The following HMCN2 variants were observed in gnomAD, a reference collection of about 807,000 sequenced individuals.
HMCN2 encodes hemicentin-2.
A neutral mutation model predicts 377.5 loss-of-function variants in HMCN2; 325 were observed. The ratio of observed to expected loss-of-function variants is 0.86; its 90% CI spans 0.79 to 0.94. HMCN2 has a LOEUF of 0.94. HMCN2 is among the 40% of genes least tolerant of loss of function. HMCN2 has a pLI of 0.00. For synonymous variants in HMCN2, 2,007 were observed against 2,046.8 expected (o/e 0.98, Z 0.53); for missense variants, 4,543 against 4,725.3 (o/e 0.96, Z 1.13).
At chr9:130,323,882 T>C (rs950524168) in intron 19 of HMCN2, among the ~76,000 whole-genome samples, 1 of 152,158 alleles carries the variant, frequency 6.6e-6, no homozygotes, top group South Asian at 2.1e-4. Context: ...TTTGTATTTT[T>C]AGTAGAGACG....
chr9:130,342,971 T>A (rs1424122265), intron 25 of HMCN2, among the ~76,000 whole-genome samples: 1 of 152,214 alleles, frequency 6.6e-6, no homozygotes, highest in Admixed American at 6.5e-5. Context: ...TTCCTGGTTT[T>A]GTAACTCAGG....
intron 76 of HMCN2, 84 bp from the exon 77 acceptor site, chr9:130,400,699 G>A (rs777308923): frequency 4.6e-5 from 47 of 1,032,524 alleles, no homozygotes; most frequent in Non-Finnish European, 5.7e-5. Flanking sequence ...ATGTCACCTT[G>A]TGTACTAGCT....
chr9:130,390,492 G>A (rs370176743), intron 62 of HMCN2, among the ~76,000 whole-genome samples: 2 of 152,222 alleles, frequency 1.3e-5, no homozygotes, highest in African/African-American at 4.8e-5. Context: ...GTCCTGGGCT[G>A]GGGCCGTGAG....
chr9:130,305,870 C>T (rs118155731), intron 11 of HMCN2, among the ~76,000 whole-genome samples: 3,723 of 152,248 alleles, frequency 0.024, 55 homozygotes, highest in Non-Finnish European at 0.033. Flanking sequence ...CTGGAGTGGA[C>T]GTTCTAGGAG....
intron 85 of HMCN2, among the ~76,000 whole-genome samples, chr9:130,415,250 A>C (rs1843625335): frequency 6.6e-6 from 1 of 152,228 alleles, no homozygotes; most frequent in Non-Finnish European, 1.5e-5. Flanking sequence ...TTATCATACC[A>C]GGAACAAGGA....
At chr9:130,359,773 G>GGT (rs1162875526) in intron 37 of HMCN2, among the ~76,000 whole-genome samples, 1 of 152,160 alleles carries the variant, frequency 6.6e-6, no homozygotes, top group Non-Finnish European at 1.5e-5. Context: ...GCTGGGTGTG[G>GGT]GTGTTTGCAT....
chr9:130,427,669 C>T (rs769031525), intron 92 of HMCN2, 50 bp downstream of exon 92: 31 of 1,521,186 alleles, frequency 2.0e-5, no homozygotes, highest in Non-Finnish European at 2.6e-5. Context: ...CAGACCTGAC[C>T]CAGGTGTGCA....
Position 130,384,680 on chromosome 9 carries a change from G to T in HMCN2, c.8993-5G>T, listed in dbSNP as rs573635539. The T allele has an allele frequency of 2.3e-6, 3 of 1,302,250 alleles. No individual in the cohort carries two copies. The East Asian group carries it at 1.7e-4, about 72-fold the overall frequency. The allele number at this position is 1,302,250 out of a possible 1,614,324, so 80.7% of individuals were successfully genotyped here. On this transcript the variant is annotated splice_polypyrimidine_tract_variant and splice_region_variant and intron_variant, in intron 58 of 97. Transcript: ENST00000683500. ...CTGGTGTGAGGGGCTGGCTTCCCCC[G>T]GCAGGCACCCACACGCTGCAGCTGG...
At position 130,271,488 on chromosome 9, in the gene HMCN2, T is replaced by A. The variant is rs1834401882; in HGVS notation, c.259+5351T>A. On this transcript the variant is annotated intron_variant, in intron 1 of 97. Transcript: ENST00000683500. The stretch of plus-strand genomic sequence containing the variant: ...TTTGTGTTATGATCCTAAACCACTT[T>A]ATTTTGCTCCTCAAATGTTTCTGAC... Among the ~76,000 whole-genome samples, 3 of 149,408 alleles carry A rather than the reference T, an allele frequency of 2.0e-5. No individual in the cohort carries two copies. The South Asian group carries it at 6.5e-4, about 32-fold the overall frequency.
intron 90 of HMCN2, among the ~76,000 whole-genome samples, chr9:130,426,743 TTA>T (rs2131821076): frequency 6.7e-6 from 1 of 148,402 alleles, no homozygotes; most frequent in East Asian, 2.0e-4. Context: ...TCTTAAAACA[TTA>T]TGATATTTTT....
Position 130,358,416 on chromosome 9 carries a change from G to A in HMCN2, c.5607G>A (p.Glu1869=), listed in dbSNP as rs1840167088. The A allele has an allele frequency of 7.7e-7, 1 of 1,304,194 alleles. No homozygotes were observed. Among genetic ancestry groups the A allele is most frequent in the Non-Finnish European group, 1.0e-6 (1 of 988,914 alleles). 80.8% of individuals were successfully genotyped at this position (1,304,194 alleles called of 1,614,324 possible). Residue 1869 remains glutamate, a synonymous_variant, in exon 36 of 98, where the codon GAG becomes GAA. Transcript: ENST00000683500. ...TTGAGAAGGTGGACCTGAGGGACGA[G>A]GGCATCTACACTTGTGCTGCTACCA... ...LQIEKVDLRD[E]GIYTCAATNL... is the part of the protein sequence containing the mutation.
At chr9:130,281,038 G>T (rs1564743456) in intron 1 of HMCN2, among the ~76,000 whole-genome samples, 1 of 152,034 alleles carries the variant, frequency 6.6e-6, no homozygotes, top group Non-Finnish European at 1.5e-5. Flanking sequence ...GGGAGGCAGA[G>T]GTTGCAGTGA....
rs944407760 is a variant in HMCN2, at chr9:130,377,771, C to T, written c.8184C>T (p.Asp2728=). The T allele has an allele frequency of 1.3e-4, 130 of 985,814 alleles. No homozygotes were observed. The highest frequency in any genetic ancestry group is 5.2e-4 in the Middle Eastern group (1 of 1,936). 61.1% of individuals were successfully genotyped at this position (985,814 alleles called of 1,614,324 possible). A position where few individuals can be genotyped will look rare whatever the true frequency, so the allele number is the denominator to read the frequency against. ...LCVATNVAGE[D]DQDFNVLIQV... ...TGGCCACCAATGTGGCTGGCGAGGA[C>T]GACCAGGACTTCAACGTGCTCATCC... Residue 2728 remains aspartate, a synonymous_variant, in exon 53 of 98, where the codon GAC becomes GAT. Coordinates refer to ENST00000683500, the MANE Select transcript of HMCN2 (RefSeq NM_001291815.2).
At chr9:130,315,003 A>G (rs1334608937) in intron 15 of HMCN2, among the ~76,000 whole-genome samples, 6 of 151,646 alleles carry the variant, frequency 4.0e-5, no homozygotes, top group African/African-American at 1.5e-4. Flanking sequence ...ATCTGACTTC[A>G]CCAGGGCCTT....
intron 1 of HMCN2, among the ~76,000 whole-genome samples, chr9:130,270,987 G>A (rs1241676043): frequency 4.0e-5 from 6 of 148,844 alleles, no homozygotes; most frequent in South Asian, 2.2e-4. Context: ...GCTTACTTTC[G>A]TTTTGGTGAA....
At position 130,286,308 on chromosome 9, in the gene HMCN2, G is replaced by C. The variant is rs1554927705; in HGVS notation, c.610G>C (p.Glu204Gln). The C allele has an allele frequency of 2.1e-6, 1 of 470,974 alleles. No individual in the cohort carries two copies. Among genetic ancestry groups the C allele is most frequent in the Non-Finnish European group, 4.4e-6 (1 of 227,048 alleles). The allele number at this position is 470,974 out of a possible 1,614,324, so 29.2% of individuals were successfully genotyped here. A position where few individuals can be genotyped will look rare whatever the true frequency, so the allele number is the denominator to read the frequency against. ...CCACCTGGACAAGCAGCAAGTGACA[G>C]AGGTGAGCACTGGGAGGGGGCACCA... ...VFHLDKQQVT[E>Q]VLKWVESAIQ... The change falls in exon 4 of 98, where the codon GAG becomes CAG. Residue 204 changes from glutamate to glutamine, a missense_variant and splice_region_variant. This residue lies in a region of HMCN2 where 547 missense variants were observed against 189.9 expected (regional missense o/e 2.88). Coordinates refer to ENST00000683500, the MANE Select transcript of HMCN2 (RefSeq NM_001291815.2).
chr9:130,432,422 C>T lies in HMCN2; in HGVS notation c.14768-7C>T, dbSNP rs569738139. The stretch of plus-strand genomic sequence containing the variant: ...CCCTCCCCCGCTTCACCAACTTCCC[C>T]ATCCAGACATCAACGAGTGCGAGGA... On this transcript the variant is annotated splice_polypyrimidine_tract_variant and splice_region_variant and intron_variant, in intron 96 of 97. Transcript: ENST00000683500. The T allele has an allele frequency of 6.4e-7, 1 of 1,551,112 alleles. No individual in the cohort carries two copies. Among genetic ancestry groups the T allele is most frequent in the Non-Finnish European group, 8.7e-7 (1 of 1,147,094 alleles).
At chr9:130,277,182 A>G (rs7870070) in intron 1 of HMCN2, among the ~76,000 whole-genome samples, 86,800 of 152,254 alleles carry the variant, frequency 0.57, 25,101 homozygotes, top group East Asian at 0.87. Context: ...TGCCCAGTGG[A>G]AAAAACCCCG....
intron 86 of HMCN2, chr9:130,419,349 G>A (rs1843862706): frequency 7.7e-6 from 2 of 260,368 alleles, no homozygotes; most frequent in Admixed American, 5.3e-5. Context: ...GAAGACAAGG[G>A]CATCCCCGGT....
Sources: allele counts gnomAD v4.1 joint callset (sites outside exome capture counted in the v4.1 genomes callset), GRCh38; gene constraint gnomAD v4.1.1; regional missense constraint gnomAD v4.1.1; transcripts MANE v1.5; gene names NCBI Gene and HGNC (gene_info 2026-07-23, HGNC 2026-07-21).